HEG1: variants seen among roughly 807,000 people sequenced by gnomAD.
HEG1 encodes heart development protein with EGF like domains 1, also known as protein HEG homolog 1.
A neutral mutation model predicts 125.6 loss-of-function variants in HEG1; 56 were observed. That is an observed-to-expected ratio of 0.45 (90% CI 0.36 to 0.56). The LOEUF (loss-of-function observed/expected upper bound fraction) is 0.56, where lower values mean the gene tolerates loss of function less well. HEG1 is among the 20% of genes least tolerant of loss of function. The pLI, the probability that HEG1 is intolerant of heterozygous loss-of-function variation, is 0.00. For missense variants in HEG1, 1,523 were observed against 1,670.0 expected, an observed-to-expected ratio of 0.91 and a Z score of 1.53; for synonymous variants, 644 against 668.5, an observed-to-expected ratio of 0.96 and a Z score of 0.57.
At chr3:124,978,138 TTTGTTGTTG>T (rs372895441) in intron 14 of HEG1, among the ~76,000 whole-genome samples, 192 bp from the exon 15 acceptor site, 69 of 152,096 alleles carry the variant, frequency 4.5e-4, no homozygotes, top group African/African-American at 1.6e-3. Flanking sequence ...AGAAGAGTTT[TTTGTTGTTG>T]TTGTTGTTGT....
At chr3:125,023,952 C>T (rs1372949140) in intron 3 of HEG1, among the ~76,000 whole-genome samples, 3 of 134,396 alleles carry the variant, frequency 2.2e-5, no homozygotes, top group East Asian at 2.1e-4. Flanking sequence ...CAGAACTTGC[C>T]GAAAGTACAG....
intron 1 of HEG1, among the ~76,000 whole-genome samples, chr3:125,045,688 T>C (rs1382640450): frequency 6.6e-6 from 1 of 152,242 alleles, no homozygotes; most frequent in Non-Finnish European, 1.5e-5. Context: ...CTTCCATGTC[T>C]ACCTCTTCCT....
rs1050713623 is a variant in HEG1, at chr3:124,974,867, T to A, written c.3822-962A>T. Reference sequence around the variant, plus strand: ...TGGAAGTTGGGAACAGACCTGCCACTGTGTTGCTTCCTGGTGGGTGGGGTA... The same window carrying A: ...TGGAAGTTGGGAACAGACCTGCCACAGTGTTGCTTCCTGGTGGGTGGGGTA... On this transcript the variant is annotated intron_variant, in intron 15 of 16. Coordinates refer to ENST00000311127, the MANE Select transcript of HEG1 (RefSeq NM_020733.2). 1.3e-5 allele frequency among the ~76,000 whole-genome samples: 2 copies of A among 152,322 alleles called. 1 individual carries two copies. Among genetic ancestry groups the A allele is most frequent in the South Asian group, 4.1e-4 (2 of 4,822 alleles).
intron 1 of HEG1, among the ~76,000 whole-genome samples, chr3:125,038,658 A>C (rs992216163): frequency 6.6e-6 from 1 of 152,208 alleles, no homozygotes; most frequent in African/African-American, 2.4e-5. Context: ...CATCAGGGCC[A>C]CTGTGGATGA....
chr3:124,998,028 C>T (rs1936948280), intron 11 of HEG1, among the ~76,000 whole-genome samples: 1 of 152,194 alleles, frequency 6.6e-6, no homozygotes, highest in Non-Finnish European at 1.5e-5. Context: ...TCTGATCAGC[C>T]GCAGGCTGTG....
chr3:124,981,504 C>A (rs1177559979), intron 14 of HEG1, among the ~76,000 whole-genome samples: 1 of 152,190 alleles, frequency 6.6e-6, no homozygotes, highest in Non-Finnish European at 1.5e-5. Context: ...TCTCAGTCAC[C>A]CACAAGCCTT....
At chr3:124,978,096 C>T (rs1038015576) in intron 14 of HEG1, 150 bp from the exon 15 acceptor site, 3 of 584,056 alleles carry the variant, frequency 5.1e-6, no homozygotes, top group Non-Finnish European at 9.1e-6. Context: ...GCAAGGGATC[C>T]TCAATGGCTA....
In HEG1 at chr3:125,010,456, C is replaced by A; in HGVS notation, c.3056G>T (p.Gly1019Val). 1 of 1,554,762 alleles carries A rather than the reference C, an allele frequency of 6.4e-7. No homozygotes were observed. The change falls in exon 7 of 17, where the codon GGG becomes GTG. Residue 1019 changes from glycine (G) to valine (V), a missense_variant. Transcript: ENST00000311127. ...YHCRCPPSWQ[G>V]DDCSVDVNEC... ...TCTCTTACCCACACTGCAATCATCC[C>A]CTTGCCAGGAAGGCGGGCACCTGCA... is the stretch of plus-strand genomic sequence containing the variant.
intron 14 of HEG1, among the ~76,000 whole-genome samples, chr3:124,981,570 G>A (rs78283035): frequency 0.026 from 3,960 of 152,234 alleles, 168 homozygotes; most frequent in African/African-American, 0.088. Context: ...GTCATACTGG[G>A]CAGGGGCTCA....
At chr3:124,982,784 T>A (rs1360230660) in intron 14 of HEG1, among the ~76,000 whole-genome samples, 1 of 152,146 alleles carries the variant, frequency 6.6e-6, no homozygotes, top group Non-Finnish European at 1.5e-5. Flanking sequence ...CACTCGGACA[T>A]GTAACACCAT....
At chr3:125,053,874 CCTCT>C (rs1255822291) in intron 1 of HEG1, among the ~76,000 whole-genome samples, 1 of 152,158 alleles carries the variant, frequency 6.6e-6, no homozygotes, top group African/African-American at 2.4e-5. Flanking sequence ...GTAATACCTA[CCTCT>C]CTCTAGAGAT....
chr3:125,010,401 C>G lies in HEG1; in HGVS notation c.3073+38G>C, dbSNP rs149190072. 7.0e-4 allele frequency: 928 copies of G among 1,316,964 alleles called. 2 individuals are homozygous for G. The African/African-American group carries it at 9.6e-3, about 14-fold the overall frequency. 81.6% of individuals were successfully genotyped at this position (1,316,964 alleles called of 1,614,324 possible). Reference sequence around the variant, plus strand: ...GTTTATTGGGTAGCCCAACGTGGTACTGTGGTGCAGACCACTGGGCGTTAC... The same window carrying G: ...GTTTATTGGGTAGCCCAACGTGGTAGTGTGGTGCAGACCACTGGGCGTTAC... On this transcript the variant is annotated intron_variant, in intron 7 of 16. Coordinates refer to ENST00000311127, the MANE Select transcript of HEG1 (RefSeq NM_020733.2).
chr3:125,012,386 C>A (rs144621130), intron 6 of HEG1, among the ~76,000 whole-genome samples: 4 of 152,356 alleles, frequency 2.6e-5, no homozygotes, highest in African/African-American at 7.2e-5. Flanking sequence ...ATGGCCAATG[C>A]ATCCTTTCCT....
chr3:125,009,956 C>T, intron 7 of HEG1, 132 bp from the exon 8 acceptor site: 1 of 884,508 alleles, frequency 1.1e-6, no homozygotes, highest in Middle Eastern at 2.6e-4. Flanking sequence ...AGTATGAGAA[C>T]ACTCTTGCCC....
At chr3:125,012,602 G>A (rs1020717386) in intron 6 of HEG1, 21 bp downstream of exon 6, 1 of 1,602,436 alleles carries the variant, frequency 6.2e-7, no homozygotes, top group Admixed American at 1.7e-5. Context: ...GTTAACATGT[G>A]CTTGTGTGAC....
intron 11 of HEG1, among the ~76,000 whole-genome samples, chr3:124,998,646 G>C (rs1579408059): frequency 1.3e-5 from 2 of 152,196 alleles, no homozygotes; most frequent in East Asian, 3.8e-4. Flanking sequence ...TTCATCTCAT[G>C]GATGACAAAG....
chr3:125,009,937 C>A, intron 7 of HEG1, 113 bp from the exon 8 acceptor site: 1 of 1,104,420 alleles, frequency 9.1e-7, no homozygotes. Context: ...GGTGAGACCC[C>A]AAAGGATAAG....
At chr3:125,006,899 T>A (rs1183568995) in intron 8 of HEG1, among the ~76,000 whole-genome samples, 1 of 152,182 alleles carries the variant, frequency 6.6e-6, no homozygotes, top group Non-Finnish European at 1.5e-5. Flanking sequence ...AGACTCTCTG[T>A]ATAGAAATTC....
chr3:124,970,540 T>C lies in HEG1; in HGVS notation c.*112A>G. 1.1e-6 allele frequency: 1 copy of C among 907,296 alleles called. No homozygotes were observed. Among genetic ancestry groups the C allele is most frequent in the Non-Finnish European group, 1.7e-6 (1 of 602,168 alleles). The allele number at this position is 907,296 out of a possible 1,614,324, so 56.2% of individuals were successfully genotyped here. A position where few individuals can be genotyped will look rare whatever the true frequency, so the allele number is the denominator to read the frequency against. On this transcript the variant is annotated 3_prime_UTR_variant, in exon 17 of 17. Transcript: ENST00000311127. The stretch of plus-strand genomic sequence containing the variant: ...CCGCATGCCTGTCCCTCTTCCTGCT[T>C]GCCACTCAGCGTGGCTCCCGACAAA...
Sources: gnomAD v4.1 joint callset for allele counts (sites outside exome capture counted in the v4.1 genomes callset) on GRCh38, gnomAD v4.1.1 for gene constraint, MANE v1.5 for transcripts, NCBI Gene and HGNC (gene_info 2026-07-23, HGNC 2026-07-21) for gene names.